RTKN2: variants seen among roughly 807,000 people sequenced by gnomAD.
RTKN2 encodes the protein rhotekin-2.
Under a neutral mutation model 71.5 loss-of-function variants are expected in RTKN2, and 69 were observed. The ratio of observed to expected loss-of-function variants is 0.96; its 90% CI spans 0.79 to 1.18. The LOEUF is 1.18. RTKN2 is among the 50% of genes most tolerant of loss of function. RTKN2 has a pLI of 0.00. For missense variants in RTKN2, 724 were observed against 719.7 expected, an observed-to-expected ratio of 1.01 and a Z score of -0.07; for synonymous variants, 236 against 236.5, an observed-to-expected ratio of 1.00 and a Z score of 0.02.
At chr10:62,215,046 T>C in intron 9 of RTKN2, 3 of 1,506,994 alleles carry the variant, frequency 2.0e-6, no homozygotes, top group Non-Finnish European at 2.7e-6. Context: ...GACTGAGATA[T>C]GGCGAGTTGA....
rs1459202060 is a variant in RTKN2 at position 62,195,252 on chromosome 10, TTG to T, written c.*2654_*2655del. 2 of 981,614 alleles carry T rather than the reference TTG, an allele frequency of 2.0e-6. No homozygotes were observed. The highest frequency in any genetic ancestry group is 2.4e-6 in the Non-Finnish European group (2 of 826,592). The allele number at this position is 981,614 out of a possible 1,614,324, so 60.8% of individuals were successfully genotyped here. ...TTATCAAGAGCTGACAGCTAACTCT[TTG>T]TTTCAAGTTTATAGTCTTCATATAT... is the stretch of plus-strand genomic sequence containing the variant. On this transcript the variant is annotated 3_prime_UTR_variant, in exon 12 of 12. Transcript: ENST00000373789.
At chr10:62,205,517 C>T (rs1054555711) in intron 9 of RTKN2, among the ~76,000 whole-genome samples, 3 of 152,118 alleles carry the variant, frequency 2.0e-5, no homozygotes, top group Non-Finnish European at 4.4e-5. Context: ...AAAACCGTAA[C>T]TTAGTGTTTA....
At position 62,218,180 on chromosome 10, in the gene RTKN2, T is replaced by G; in HGVS notation, c.888+15A>C. 1 of 1,537,000 alleles carries G rather than the reference T, an allele frequency of 6.5e-7. No homozygotes were observed. Among genetic ancestry groups the G allele is most frequent in the Middle Eastern group, 1.7e-4 (1 of 5,868 alleles). ...TAGAGCTACAATTGTTGTAGGATAT[T>G]TAAAGTCCTCTAACCTGCTGATTAA... On this transcript the variant is annotated intron_variant, in intron 8 of 11. Transcript: ENST00000373789.
intron 11 of RTKN2, among the ~76,000 whole-genome samples, chr10:62,198,879 C>T (rs117961547): frequency 0.021 from 3,197 of 152,050 alleles, 41 homozygotes; most frequent in Non-Finnish European, 0.035. Flanking sequence ...TTTACAAAAG[C>T]TAGATATATA....
Position 62,223,293 on chromosome 10 carries a change from G to A in RTKN2, c.726C>T (p.Thr242=), listed in dbSNP as rs1841949671. 1 of 1,610,734 alleles carries A rather than the reference G, an allele frequency of 6.2e-7. No individual in the cohort carries two copies. Among genetic ancestry groups the A allele is most frequent in the Admixed American group, 1.7e-5 (1 of 59,982 alleles). The change falls in exon 7 of 12, where the codon ACC becomes ACT. Residue 242 remains threonine, a synonymous_variant. Coordinates refer to ENST00000373789, the MANE Select transcript of RTKN2 (RefSeq NM_145307.4). ...TGAAACTATCCTCAGCACTTTCCAA[G>A]GTTAGGGTAGTGTGAGCTAGCAAAT... The part of the protein sequence containing the change: ...KYNLLAHTTL[T]LESAEDSFKT...
intron 7 of RTKN2, among the ~76,000 whole-genome samples, chr10:62,220,174 G>A (rs923638307): frequency 5.3e-5 from 8 of 152,058 alleles, no homozygotes; most frequent in Non-Finnish European, 7.4e-5. Flanking sequence ...AAACCAAAAA[G>A]TTTTAAATTT....
intron 8 of RTKN2, among the ~76,000 whole-genome samples, chr10:62,217,912 C>G (rs1246951307): frequency 6.6e-6 from 1 of 152,084 alleles, no homozygotes; most frequent in Non-Finnish European, 1.5e-5. Flanking sequence ...TCAGTTTCCA[C>G]ACGGAGCCCT....
chr10:62,267,412 G>A (rs1842886217), intron 1 of RTKN2, among the ~76,000 whole-genome samples: 1 of 152,096 alleles, frequency 6.6e-6, no homozygotes, highest in African/African-American at 2.4e-5. Flanking sequence ...AACATCAATA[G>A]AATGGCAATT....
intron 6 of RTKN2, among the ~76,000 whole-genome samples, chr10:62,232,781 T>G (rs1589365372): frequency 6.6e-6 from 1 of 152,024 alleles, no homozygotes; most frequent in African/African-American, 2.4e-5. Flanking sequence ...GTAAAAATAG[T>G]AACCATAATG....
At chr10:62,261,315 T>C (rs1183540907) in intron 2 of RTKN2, among the ~76,000 whole-genome samples, 1 of 152,110 alleles carries the variant, frequency 6.6e-6, no homozygotes, top group Non-Finnish European at 1.5e-5. Context: ...TCATGCCCAC[T>C]GTAAGGAAGG....
chr10:62,193,935 A>C lies in RTKN2; in HGVS notation c.*3973T>G. On this transcript the variant is annotated 3_prime_UTR_variant, in exon 12 of 12. Coordinates refer to ENST00000373789, the MANE Select transcript of RTKN2 (RefSeq NM_145307.4). ...TTTTTCTGATTAAACTGATTCCACC[A>C]CACTGTCTACTTCAATCAGTCTAGT... The C allele has an allele frequency of 1.0e-6, 1 of 984,034 alleles. No individual in the cohort carries two copies. Among genetic ancestry groups the C allele is most frequent in the South Asian group, 4.7e-5 (1 of 21,260 alleles). The allele number at this position is 984,034 out of a possible 1,614,324, so 61.0% of individuals were successfully genotyped here.
At chr10:62,248,181 A>G (rs1842512545) in intron 2 of RTKN2, among the ~76,000 whole-genome samples, 1 of 152,136 alleles carries the variant, frequency 6.6e-6, no homozygotes, top group African/African-American at 2.4e-5. Context: ...GTATACACAA[A>G]TATTGTCAAA....
chr10:62,186,053 A>C (rs1841130197), intron 8 of RTKN2, among the ~76,000 whole-genome samples: 1 of 152,210 alleles, frequency 6.6e-6, no homozygotes, highest in African/African-American at 2.4e-5. Flanking sequence ...TAGGATTTGA[A>C]CCCAGGACAG....
chr10:62,222,739 T>A (rs1841936584), intron 7 of RTKN2, among the ~76,000 whole-genome samples: 1 of 152,228 alleles, frequency 6.6e-6, no homozygotes, highest in Non-Finnish European at 1.5e-5. Context: ...CCTAATGACC[T>A]AAACCCCTTC....
chr10:62,232,647 A>G (rs972498367), intron 6 of RTKN2, among the ~76,000 whole-genome samples: 4 of 152,054 alleles, frequency 2.6e-5, no homozygotes, highest in African/African-American at 9.7e-5. Flanking sequence ...CTATAAAATT[A>G]TAAATGTAGT....
At chr10:62,261,288 T>G (rs1842769403) in intron 2 of RTKN2, among the ~76,000 whole-genome samples, 1 of 152,172 alleles carries the variant, frequency 6.6e-6, no homozygotes, top group Non-Finnish European at 1.5e-5. Flanking sequence ...ATCTCAATTT[T>G]CAAAATGTAA....
chr10:62,209,669 T>A (rs1273803399), intron 9 of RTKN2, among the ~76,000 whole-genome samples: 1 of 152,098 alleles, frequency 6.6e-6, no homozygotes, highest in African/African-American at 2.4e-5. Flanking sequence ...TATATGTCCA[T>A]GTGTTCTCAT....
intron 6 of RTKN2, among the ~76,000 whole-genome samples, chr10:62,226,220 G>A (rs918859060): frequency 6.6e-6 from 1 of 152,144 alleles, no homozygotes; most frequent in Non-Finnish European, 1.5e-5. Context: ...AGAAGACAGT[G>A]ATGTCTGATG....
At chr10:62,241,090 T>C in intron 4 of RTKN2, 52 bp downstream of exon 4, 1 of 968,286 alleles carries the variant, frequency 1.0e-6, no homozygotes, top group Non-Finnish European at 1.6e-6. Context: ...AATAATCAGA[T>C]ACACTACATA....
Sources: allele counts gnomAD v4.1 joint callset (sites outside exome capture counted in the v4.1 genomes callset), GRCh38; gene constraint gnomAD v4.1.1; transcripts MANE v1.5; gene names NCBI Gene and HGNC (gene_info 2026-07-23, HGNC 2026-07-21).